The following PDE2A variants were observed in gnomAD, a reference collection of about 807,000 sequenced individuals.
PDE2A encodes the protein phosphodiesterase 2A.
A neutral mutation model predicts 133.6 loss-of-function variants in PDE2A; 53 were observed. The observed-to-expected ratio is 0.40, with a 90% CI of 0.32 to 0.50. PDE2A has a LOEUF of 0.50. Among genes scored for constraint, PDE2A ranks in the 20% least tolerant of loss-of-function variants. PDE2A has a pLI of 0.73. For synonymous variants in PDE2A, 491 were observed against 490.2 expected (o/e 1.00, Z -0.02); for missense variants, 796 against 1,232.4 (o/e 0.65, Z 5.30).
At chr11:72,641,421 G>A (rs557727985) in intron 2 of PDE2A, among the ~76,000 whole-genome samples, 2 of 152,344 alleles carry the variant, frequency 1.3e-5, no homozygotes, top group African/African-American at 2.4e-5. Context: ...AGAGGAAGGG[G>A]TGGCTGCAGA....
intron 1 of PDE2A, chr11:72,668,430 T>C: frequency 1.4e-6 from 1 of 717,262 alleles, no homozygotes; most frequent in Non-Finnish European, 2.6e-6. Context: ...TAAACTTCTG[T>C]GTGAACATGT....
chr11:72,579,709 A>T, intron 25 of PDE2A, 101 bp from the exon 26 acceptor site: 1 of 782,102 alleles, frequency 1.3e-6, no homozygotes, highest in Non-Finnish European at 2.1e-6. Flanking sequence ...TCCAGCCCCC[A>T]GGTCAGCAGA....
intron 1 of PDE2A, among the ~76,000 whole-genome samples, chr11:72,652,165 C>T (rs780098586): frequency 6.6e-6 from 1 of 152,222 alleles, no homozygotes; most frequent in Non-Finnish European, 1.5e-5. Flanking sequence ...AGCTCCCTAC[C>T]CAGCAGCCCC....
chr11:72,633,130 G>A (rs1157046295), intron 2 of PDE2A, among the ~76,000 whole-genome samples: 1 of 152,178 alleles, frequency 6.6e-6, no homozygotes, highest in African/African-American at 2.4e-5. Flanking sequence ...AACTGCTGCT[G>A]GAGAACCAGG....
At chr11:72,671,270 T>G (rs1381223643) in intron 1 of PDE2A, among the ~76,000 whole-genome samples, 7 of 152,284 alleles carry the variant, frequency 4.6e-5, no homozygotes, top group African/African-American at 1.7e-4. Flanking sequence ...GTGTCCCCGG[T>G]GACAAGCCAA....
intron 2 of PDE2A, among the ~76,000 whole-genome samples, chr11:72,615,864 A>T (rs2135382753): frequency 6.6e-6 from 1 of 152,314 alleles, no homozygotes; most frequent in East Asian, 1.9e-4. Flanking sequence ...AGAGAGCCTG[A>T]GCAGGATGGA....
intron 6 of PDE2A, among the ~76,000 whole-genome samples, chr11:72,592,611 C>G (rs1049072695): frequency 1.3e-5 from 2 of 152,022 alleles, no homozygotes; most frequent in Non-Finnish European, 2.9e-5. Flanking sequence ...GTAGGTGGTG[C>G]GGGGAGATGA....
chr11:72,614,820 T>C (rs1404010704), intron 2 of PDE2A, among the ~76,000 whole-genome samples: 1 of 151,934 alleles, frequency 6.6e-6, no homozygotes, highest in Non-Finnish European at 1.5e-5. Context: ...AAGGTCCCAA[T>C]GGAGGGGAGA....
chr11:72,633,453 C>T (rs933069169), intron 2 of PDE2A, among the ~76,000 whole-genome samples: 41 of 152,290 alleles, frequency 2.7e-4, no homozygotes, highest in Non-Finnish European at 1.2e-4. Flanking sequence ...TCAGTTGTCA[C>T]AAAGGGGCTA....
Position 72,576,693 on chromosome 11 carries a change from T to G in PDE2A, c.*691A>C, listed in dbSNP as rs528281435. 1 of 169,448 alleles carries G rather than the reference T, an allele frequency of 5.9e-6. No individual in the cohort carries two copies. Among genetic ancestry groups the G allele is most frequent in the East Asian group, 1.9e-4 (1 of 5,170 alleles). 10.5% of individuals were successfully genotyped at this position (169,448 alleles called of 1,614,324 possible). ...AGCGTCACACAGGCAGGAGGAAGCA[T>G]GGCTGGCTCATTCATACCTGGGCCT... On this transcript the variant is annotated 3_prime_UTR_variant, in exon 31 of 31. Coordinates refer to ENST00000334456, the MANE Select transcript of PDE2A (RefSeq NM_002599.5).
Position 72,664,620 on chromosome 11 carries a change from A to G in PDE2A, c.71+9517T>C, listed in dbSNP as rs1019770492. ...GATCTCCTGACCTCGTGATCCGCCC[A>G]CCTCAGCCTCCCAAAGTACTGGGAT... is the stretch of plus-strand genomic sequence containing the variant. On this transcript the variant is annotated intron_variant, in intron 1 of 30. Transcript: ENST00000334456. 4.2e-4 allele frequency among the ~76,000 whole-genome samples: 63 copies of G among 151,522 alleles called. No individual in the cohort carries two copies. The East Asian group carries it at 6.9e-3, about 16-fold the overall frequency.
At chr11:72,606,791 T>G (rs1001735632) in intron 3 of PDE2A, among the ~76,000 whole-genome samples, 1 of 151,756 alleles carries the variant, frequency 6.6e-6, no homozygotes, top group African/African-American at 2.4e-5. Context: ...GAGGGAGGGG[T>G]GGGTAGTCCA....
rs2135287063 is a variant in PDE2A at position 72,584,944 on chromosome 11, G to T, written c.1287C>A (p.Ile429=). Residue 429 remains isoleucine, a splice_region_variant and synonymous_variant, in exon 17 of 31, where the codon ATC becomes ATA. Coordinates refer to ENST00000334456, the MANE Select transcript of PDE2A (RefSeq NM_002599.5). ...TCTGATCCAGCAGGAACACAGAGCA[G>T]CTGTGGAGGGAGGGGTTTGGTCCTC... The part of the protein sequence containing the change: ...TEARNLSNAE[I]CSVFLLDQNE... The T allele has an allele frequency of 6.2e-7, 1 of 1,614,096 alleles. No homozygotes were observed. Among genetic ancestry groups the T allele is most frequent in the East Asian group, 2.2e-5 (1 of 44,860 alleles).
chr11:72,641,023 T>C (rs1858928899), intron 2 of PDE2A, among the ~76,000 whole-genome samples: 1 of 152,014 alleles, frequency 6.6e-6, no homozygotes, highest in Non-Finnish European at 1.5e-5. Context: ...ACCCAACACA[T>C]GCAACCCAGC....
At chr11:72,652,225 A>T (rs1854760672) in intron 1 of PDE2A, among the ~76,000 whole-genome samples, 1 of 152,224 alleles carries the variant, frequency 6.6e-6, no homozygotes, top group Non-Finnish European at 1.5e-5. Context: ...ACCTGGCAAG[A>T]ATATACCTCC....
At chr11:72,579,632 G>A (rs758056892) in intron 25 of PDE2A, 24 bp from the exon 26 acceptor site, 8 of 1,564,084 alleles carry the variant, frequency 5.1e-6, no homozygotes, top group South Asian at 2.2e-5. Context: ...AGTGATGGGG[G>A]CCCAGCTGGG....
At chr11:72,599,013 G>A (rs1856613989) in intron 4 of PDE2A, 1 of 985,284 alleles carries the variant, frequency 1.0e-6, no homozygotes, top group Admixed American at 6.1e-5. Flanking sequence ...AACTGATGAA[G>A]GCTGAGGCTT....
At chr11:72,631,618 G>A (rs1045557092) in intron 2 of PDE2A, among the ~76,000 whole-genome samples, 3 of 152,288 alleles carry the variant, frequency 2.0e-5, no homozygotes, top group Non-Finnish European at 4.4e-5. Flanking sequence ...TCAAATGAAT[G>A]TGAGACCATG....
chr11:72,646,267 C>T (rs994417521), intron 1 of PDE2A, among the ~76,000 whole-genome samples: 1 of 152,218 alleles, frequency 6.6e-6, no homozygotes, highest in Non-Finnish European at 1.5e-5. Context: ...AACCTCAGGC[C>T]CTGTCTAGGA....
Sources: allele counts gnomAD v4.1 joint callset (sites outside exome capture counted in the v4.1 genomes callset), GRCh38; gene constraint gnomAD v4.1.1; transcripts MANE v1.5; gene names NCBI Gene and HGNC (gene_info 2026-07-23, HGNC 2026-07-21).